MUC22: variants seen among roughly 807,000 people sequenced by gnomAD.
MUC22 encodes the protein mucin-22.
In MUC22, 24 loss-of-function variants were observed where a neutral mutation model predicts 40.3. The ratio of observed to expected loss-of-function variants is 0.60; its 90% confidence interval spans 0.43 to 0.84. The LOEUF (loss-of-function observed/expected upper bound fraction) is 0.84. Ranked by LOEUF, MUC22 falls within the 40% of genes least tolerant of loss-of-function variation. The pLI is 0.00. For missense variants in MUC22, 1,926 were observed against 2,130.7 expected (o/e 0.90, Z 1.89); for synonymous variants, 765 against 844.5 (o/e 0.91, Z 1.63).
chr6:31,022,330 A>T (rs909734129), intron 1 of MUC22, among the ~76,000 whole-genome samples: 5 of 152,038 alleles, frequency 3.3e-5, no homozygotes, highest in African/African-American at 1.2e-4. Context: ...ATGCCTGGCT[A>T]ATTTTGTATT....
intron 2 of MUC22, among the ~76,000 whole-genome samples, chr6:31,030,385 C>T (rs1469389657): frequency 1.3e-5 from 2 of 152,020 alleles, no homozygotes; most frequent in East Asian, 3.9e-4. Context: ...GGCGTGGTGG[C>T]GGGCACCTGT....
At chr6:31,033,654 G>A (rs1766240930) in intron 3 of MUC22, among the ~76,000 whole-genome samples, 1 of 152,228 alleles carries the variant, frequency 6.6e-6, no homozygotes, top group Non-Finnish European at 1.5e-5. Flanking sequence ...TGGCCCACAA[G>A]AGATTGTGCA....
rs1766121851 is a variant in MUC22 at position 31,032,313 on chromosome 6, C to T, written c.4787C>T (p.Ser1596Phe). ...GTGCCAGGAATAGTCTTAAACACCT[C>T]TGGCCTGGGTACATCCACTATGGGA... Residue 1596 changes from serine (S) to phenylalanine (F), a missense_variant, in exon 3 of 4, where the codon TCT becomes TTT. Transcript: ENST00000561890. The surrounding 1 kb of genome is among the most constrained non-coding windows in gnomAD (Gnocchi z 4.1). The T allele has an allele frequency of 6.5e-7, 1 of 1,535,694 alleles. No individual in the cohort carries two copies.
At chr6:31,009,072 T>C (rs1243029810), upstream of MUC22, among the ~76,000 whole-genome samples, 1 of 152,234 alleles carries the variant, frequency 6.6e-6, no homozygotes, top group Non-Finnish European at 1.5e-5. Context: ...ATAGTCTCCA[T>C]GTGATTAAAG....
intron 1 of MUC22, among the ~76,000 whole-genome samples, chr6:31,018,659 T>TG (rs1261892104): frequency 6.6e-6 from 1 of 152,294 alleles, no homozygotes; most frequent in African/African-American, 2.4e-5. Context: ...TCATTCCAAT[T>TG]GGGGTCTACC....
exon 2 of MUC22, chr6:31,025,700 G>T (rs1049893221): frequency 1.3e-6 from 2 of 1,529,798 alleles, no homozygotes; most frequent in Non-Finnish European, 1.8e-6. Flanking sequence ...TTCACCACAG[G>T]CTCTGAGACC....
intron 3 of MUC22, among the ~76,000 whole-genome samples, chr6:31,033,268 A>G (rs12664817): frequency 1.4e-5 from 2 of 144,766 alleles, no homozygotes; most frequent in Admixed American, 7.0e-5. Flanking sequence ...AAAGAGAAAG[A>G]AAGGAAGAAA....
exon 2 of MUC22, chr6:31,030,047 T>C (rs12110785): frequency 0.14 from 214,953 of 1,535,110 alleles, 16,439 homozygotes; most frequent in Admixed American, 0.22. Flanking sequence ...ACGTTTGTAC[T>C]CACCAAGGCC....
At chr6:31,008,967 CTA>C (rs1469815065), upstream of MUC22, among the ~76,000 whole-genome samples, 1 of 152,190 alleles carries the variant, frequency 6.6e-6, no homozygotes, top group Non-Finnish European at 1.5e-5. Flanking sequence ...ATAATTACCA[CTA>C]TCAAACTAAT....
rs567431532 is a variant in MUC22 at position 31,023,351 on chromosome 6, C to T, written c.71-2151C>T. Among the ~76,000 whole-genome samples, 9 of 152,100 alleles carry T rather than the reference C, an allele frequency of 5.9e-5. No individual in the cohort carries two copies. The South Asian group carries it at 1.7e-3, about 28-fold the overall frequency. ...AGGAGTTCGAGACAAGCCCAGGCAA[C>T]ATAGGGAGACCCCATCTTTACAAGA... is the stretch of plus-strand genomic sequence containing the variant. On this transcript the variant is annotated intron_variant, in intron 1 of 3. Coordinates refer to ENST00000561890, the Ensembl canonical transcript of MUC22.
chr6:31,029,874 A>C (rs529961607), exon 2 of MUC22: 2 of 1,534,122 alleles, frequency 1.3e-6, no homozygotes, highest in East Asian at 2.4e-5. Flanking sequence ...CCTCCAGTGC[A>C]GGCTCTGAGA....
At chr6:31,028,061 C>G (rs1485611996) in exon 2 of MUC22, 1 of 1,534,670 alleles carries the variant, frequency 6.5e-7, no homozygotes, top group Non-Finnish European at 8.7e-7. Context: ...GAGACCACCA[C>G]AGCCTCTACT....
At chr6:31,027,935 C>T (rs993705309) in exon 2 of MUC22, 1 of 1,534,854 alleles carries the variant, frequency 6.5e-7, no homozygotes. Context: ...GGCTCTGGGA[C>T]CACTGCAGCC....
chr6:31,022,486 C>A (rs1289668858), intron 1 of MUC22, among the ~76,000 whole-genome samples: 1 of 151,536 alleles, frequency 6.6e-6, no homozygotes, highest in Non-Finnish European at 1.5e-5. Flanking sequence ...AAAAGTTCTT[C>A]AGGAAGAAAA....
chr6:31,027,698 C>T (rs1765552701), exon 2 of MUC22: 1 of 1,532,938 alleles, frequency 6.5e-7, no homozygotes, highest in Non-Finnish European at 8.7e-7. Context: ...TCTGACACCA[C>T]CACAGCCTCT....
In MUC22 at chr6:31,032,160, C is replaced by A; in HGVS notation, c.4670-36C>A. ...CCCCATTCCCCTTTAATCATCTCTG[C>A]TACAAATGCATCATCTTGTGTGACC... On this transcript the variant is annotated intron_variant, in intron 2 of 3. Coordinates refer to ENST00000561890, the Ensembl canonical transcript of MUC22. The surrounding 1 kb of genome is among the most constrained non-coding windows in gnomAD (Gnocchi z 4.1). 1 of 1,506,866 alleles carries A rather than the reference C, an allele frequency of 6.6e-7. No homozygotes were observed. The highest frequency in any genetic ancestry group is 8.8e-7 in the Non-Finnish European group (1 of 1,132,794). 93.3% of individuals were successfully genotyped at this position (1,506,866 alleles called of 1,614,324 possible).
upstream of MUC22, chr6:31,006,265 T>C (rs908207447): frequency 1.3e-5 from 3 of 235,100 alleles, no homozygotes; most frequent in Non-Finnish European, 2.6e-5. Context: ...ACAGGAAATT[T>C]TTTAGACGTT....
At chr6:31,025,355 A>T in intron 1 of MUC22, 147 bp from the exon 2 acceptor site, 1 of 900,122 alleles carries the variant, frequency 1.1e-6, no homozygotes, top group Non-Finnish European at 1.6e-6. Context: ...CCCAGAGTTT[A>T]GTAAAATACC....
upstream of MUC22, among the ~76,000 whole-genome samples, chr6:31,008,248 A>G (rs914936888): frequency 6.6e-6 from 1 of 152,252 alleles, no homozygotes; most frequent in Non-Finnish European, 1.5e-5. Context: ...TCCATGGTTT[A>G]GTTTCCTTAT....
Sources: allele counts gnomAD v4.1 joint callset (sites outside exome capture counted in the v4.1 genomes callset), GRCh38; gene constraint gnomAD v4.1.1; non-coding constraint Gnocchi (gnomAD v3.1); transcripts MANE v1.5; gene names NCBI Gene and HGNC (gene_info 2026-07-23, HGNC 2026-07-21).